Variants in STAM observed in about 807,000 individuals in gnomAD.
STAM encodes the protein signal transducing adaptor molecule.
In STAM, 16 loss-of-function variants were observed where a neutral mutation model predicts 63.4. That is an observed-to-expected ratio of 0.25 (90% CI 0.17 to 0.38). STAM has a LOEUF of 0.38. Ranked by LOEUF, STAM falls within the 10% of genes least tolerant of loss-of-function variation. The probability of loss-of-function intolerance (pLI) is 1.00; values close to 1 mark genes in which losing one functional copy is unlikely to be tolerated. For synonymous variants in STAM, 238 were observed against 223.9 expected (o/e 1.06, Z -0.56); for missense variants, 636 against 657.1 (o/e 0.97, Z 0.35).
intron 4 of STAM, among the ~76,000 whole-genome samples, chr10:17,686,348 A>G (rs782159588): frequency 6.7e-6 from 1 of 150,082 alleles, no homozygotes; most frequent in Non-Finnish European, 1.5e-5. Context: ...TACAGTGAAC[A>G]TATTGGTTTT....
In STAM at chr10:17,644,223, CCTGTAGAGTCGGTCT is replaced by C. The variant is rs1554820462; in HGVS notation, c.-112_-98del. On this transcript the variant is annotated 5_prime_UTR_variant, in exon 1 of 14. Coordinates refer to ENST00000377524, the MANE Select transcript of STAM (RefSeq NM_003473.4). ...GGTGAGAGGAGGAGCTGTCGCGGAC[CCTGTAGAGTCGGTCT>C]CTGTTGCTCTTTTTGCCTGAGGAGT... is the stretch of plus-strand genomic sequence containing the variant. 1 of 1,115,510 alleles carries C rather than the reference CCTGTAGAGTCGGTCT, an allele frequency of 9.0e-7. No individual in the cohort carries two copies. Among genetic ancestry groups the C allele is most frequent in the African/African-American group, 1.5e-5 (1 of 64,722 alleles). 69.1% of individuals were successfully genotyped at this position (1,115,510 alleles called of 1,614,324 possible).
chr10:17,651,011 G>A lies in STAM; in HGVS notation c.40+6632G>A, dbSNP rs1833718463. 2.9e-5 allele frequency among the ~76,000 whole-genome samples: 4 copies of A among 137,596 alleles called. No homozygotes were observed. In the South Asian group the frequency reaches 9.2e-4, roughly 32 times the overall value. 90.3% of individuals were successfully genotyped at this position (137,596 alleles called of 152,430 possible). A position where few individuals can be genotyped will look rare whatever the true frequency, so the allele number is the denominator to read the frequency against. On this transcript the variant is annotated intron_variant, in intron 1 of 13. Transcript: ENST00000377524. ...ACCTGGGAGGCGGAGCTTGCGGTGAGCCAAGATCACACCACTGCATTCCAG... is the reference window on the plus strand; with the variant it reads ...ACCTGGGAGGCGGAGCTTGCGGTGAACCAAGATCACACCACTGCATTCCAG...
chr10:17,705,259 A>G (rs544260228), intron 11 of STAM, among the ~76,000 whole-genome samples: 35 of 152,320 alleles, frequency 2.3e-4, no homozygotes, highest in African/African-American at 8.4e-4. Flanking sequence ...AGGTCGTTTT[A>G]AAAACAAGGG....
chr10:17,699,256 G>C (rs187613755), intron 8 of STAM, among the ~76,000 whole-genome samples: 39 of 152,224 alleles, frequency 2.6e-4, no homozygotes, highest in Non-Finnish European at 4.9e-4. Context: ...AGATTCATTG[G>C]AGGAAATGTA....
At chr10:17,706,763 T>C (rs1836303186) in intron 12 of STAM, among the ~76,000 whole-genome samples, 1 of 152,132 alleles carries the variant, frequency 6.6e-6, no homozygotes, top group Non-Finnish European at 1.5e-5. Context: ...TCAATATGTA[T>C]AGCCTTTTGC....
chr10:17,714,967 C>CCT lies in STAM; in HGVS notation c.*187_*188insCT. On this transcript the variant is annotated 3_prime_UTR_variant, in exon 14 of 14. Transcript: ENST00000377524. ...GACTTTTTAGAGGTTCTTCCCCCCC[C>CCT]GCCCCTGCAGAGGAATGAAACTACT... 1.7e-6 allele frequency: 1 copy of CCT among 596,430 alleles called. No individual in the cohort carries two copies. The highest frequency in any genetic ancestry group is 4.5e-4 in the Middle Eastern group (1 of 2,198). The allele number at this position is 596,430 out of a possible 1,614,324, so 36.9% of individuals were successfully genotyped here.
Position 17,695,148 on chromosome 10 carries a change from G to A in STAM, c.635G>A (p.Gly212Asp), listed in dbSNP as rs1554827317. The change falls in exon 7 of 14, where the codon GGC becomes GAC. Residue 212 changes from glycine (G) to aspartate (D), a missense_variant. Gly to Asp is a moderately conservative substitution (Grantham distance 94, BLOSUM62 -1). Around this residue, in one of 3 missense-constraint regions of STAM, gnomAD observed 532 missense variants for 536.9 expected, o/e 0.99. Coordinates refer to ENST00000377524, the MANE Select transcript of STAM (RefSeq NM_003473.4). The stretch of plus-strand genomic sequence containing the variant: ...CTCTTAACTAACCACCAACATGAAG[G>A]CCGAAAAGTTCGTGCTATATATGAC... ...SSLLTNHQHE[G>D]RKVRAIYDFE... 1.2e-6 allele frequency: 2 copies of A among 1,614,038 alleles called. No homozygotes were observed. The highest frequency in any genetic ancestry group is 1.7e-6 in the Non-Finnish European group (2 of 1,179,980).
At chr10:17,682,645 G>T (rs1382760628) in intron 2 of STAM, among the ~76,000 whole-genome samples, 1 of 152,040 alleles carries the variant, frequency 6.6e-6, no homozygotes, top group Admixed American at 6.6e-5. Flanking sequence ...AAATTTATCA[G>T]TGTTTGTTTT....
intron 6 of STAM, 68 bp downstream of exon 6, chr10:17,693,380 G>C: frequency 7.6e-7 from 1 of 1,319,490 alleles, no homozygotes; most frequent in Admixed American, 2.1e-5. Flanking sequence ...ATATTTAAAG[G>C]TAAAATAAAT....
At chr10:17,707,137 C>T (rs185619052) in intron 12 of STAM, among the ~76,000 whole-genome samples, 36 of 152,130 alleles carry the variant, frequency 2.4e-4, no homozygotes, top group African/African-American at 7.9e-4. Flanking sequence ...TGGCCGGGTG[C>T]GGTGGCTCAT....
intron 2 of STAM, among the ~76,000 whole-genome samples, chr10:17,678,009 T>C (rs1482288597): frequency 6.6e-6 from 1 of 152,198 alleles, no homozygotes; most frequent in African/African-American, 2.4e-5. Context: ...AAATTTACCA[T>C]TTTAGAATAT....
Position 17,688,046 on chromosome 10 carries a change from A to G in STAM, c.317A>G (p.Glu106Gly). 1 of 1,594,850 alleles carries G rather than the reference A, an allele frequency of 6.3e-7. No homozygotes were observed. The highest frequency in any genetic ancestry group is 8.5e-7 in the Non-Finnish European group (1 of 1,172,564). Reference protein sequence around the residue: ...VLNKGHPKVCEKLKALMVEWT... With the variant: ...VLNKGHPKVCGKLKALMVEWT... ...TTACAGGGTCATCCTAAAGTATGTG[A>G]AAAATTAAAGGCTCTTATGGTTGAA... Residue 106 changes from glutamate to glycine, a missense_variant, in exon 5 of 14, where the codon GAA becomes GGA. Glu to Gly is a moderately conservative substitution (Grantham distance 98). Transcript: ENST00000377524.
chr10:17,666,162 A>G (rs1834366701), intron 2 of STAM, among the ~76,000 whole-genome samples: 1 of 152,154 alleles, frequency 6.6e-6, no homozygotes, highest in African/African-American at 2.4e-5. Context: ...CTGTTATTTT[A>G]TATGTTAACT....
intron 2 of STAM, among the ~76,000 whole-genome samples, chr10:17,667,190 G>A (rs572618988): frequency 3.3e-5 from 5 of 151,136 alleles, no homozygotes; most frequent in Non-Finnish European, 4.4e-5. Context: ...GCGATGGTGC[G>A]ATCTCAGCTC....
intron 5 of STAM, among the ~76,000 whole-genome samples, chr10:17,690,258 G>C (rs1835473669): frequency 1.3e-5 from 2 of 152,294 alleles, no homozygotes; most frequent in South Asian, 4.1e-4. Flanking sequence ...TGTCTGTCTA[G>C]ACCAGGCTTC....
chr10:17,646,235 T>C (rs1833514965), intron 1 of STAM, among the ~76,000 whole-genome samples: 1 of 152,186 alleles, frequency 6.6e-6, no homozygotes, highest in Non-Finnish European at 1.5e-5. Flanking sequence ...TAAATATCTT[T>C]GTCATAGGAG....
intron 2 of STAM, among the ~76,000 whole-genome samples, chr10:17,665,828 A>T (rs1281933485): frequency 6.6e-6 from 1 of 151,982 alleles, no homozygotes; most frequent in Non-Finnish European, 1.5e-5. Flanking sequence ...TTTAACAAAC[A>T]TTCTGAAATT....
At chr10:17,658,449 A>T (rs1834030211) in intron 1 of STAM, among the ~76,000 whole-genome samples, 1 of 152,174 alleles carries the variant, frequency 6.6e-6, no homozygotes, top group African/African-American at 2.4e-5. Context: ...ATTGTCAATT[A>T]TATACAGTTG....
Position 17,700,199 on chromosome 10 carries a change from GAGA to G in STAM, c.839_841del (p.Lys280del), listed in dbSNP as rs1321713268. The stretch of plus-strand genomic sequence containing the variant: ...TTTTACATATCTTACAGTTAAAACA[GAGA>G]AGAAGACGGTACAATTTAGTGATGA... On this transcript the variant is annotated inframe_deletion, in exon 9 of 14. Transcript: ENST00000377524. 1 of 1,604,264 alleles carries G rather than the reference GAGA, an allele frequency of 6.2e-7. No individual in the cohort carries two copies. The highest frequency in any genetic ancestry group is 8.5e-7 in the Non-Finnish European group (1 of 1,176,084).
Sources: allele counts gnomAD v4.1 joint callset (sites outside exome capture counted in the v4.1 genomes callset), GRCh38; gene constraint gnomAD v4.1.1; regional missense constraint gnomAD v4.1.1; transcripts MANE v1.5; gene names NCBI Gene and HGNC (gene_info 2026-07-23, HGNC 2026-07-21).